Variants in CCDC88B observed in about 807,000 individuals in gnomAD.
The protein encoded by CCDC88B is coiled-coil domain-containing protein 88B.
A neutral mutation model predicts 183.7 loss-of-function variants in CCDC88B; 138 were observed. That is an observed-to-expected ratio of 0.75 (90% CI 0.65 to 0.87). The LOEUF is 0.87. Among genes scored for constraint, CCDC88B ranks in the 40% least tolerant of loss-of-function variants. CCDC88B has a pLI of 0.00. For missense variants in CCDC88B, 1,822 were observed against 1,965.6 expected (o/e 0.93, Z 1.38); for synonymous variants, 835 against 867.5 (o/e 0.96, Z 0.66).
intron 18 of CCDC88B, 135 bp from the exon 19 acceptor site, chr11:64,351,995 C>T: frequency 7.9e-7 from 1 of 1,262,798 alleles, no homozygotes; most frequent in Non-Finnish European, 1.1e-6. Flanking sequence ...GCCTGCTGTG[C>T]CCCCAGCCCT....
Position 64,340,959 on chromosome 11 carries a change from G to C in CCDC88B, c.259G>C (p.Ala87Pro), listed in dbSNP as rs928314285. 6.2e-7 allele frequency: 1 copy of C among 1,600,590 alleles called. No homozygotes were observed. The highest frequency in any genetic ancestry group is 8.5e-7 in the Non-Finnish European group (1 of 1,172,554). ...GATGCTCAGAGGCCTTGACGGACCT[G>C]CTGCCTGGCGAGTGTGGAACCTGAA... is the stretch of plus-strand genomic sequence containing the variant. The part of the protein sequence containing the change: ...PRMLRGLDGP[A>P]AWRVWNLNHL... Residue 87 changes from alanine to proline, a missense_variant, in exon 3 of 27, where the codon GCT (alanine) becomes CCT (proline). Ala to Pro is a conservative substitution (Grantham distance 27). Transcript: ENST00000356786.
Position 64,344,237 on chromosome 11 carries a change from G to GC in CCDC88B, c.1698dup (p.Met567HisfsTer29), listed in dbSNP as rs750650774. On this transcript the variant is annotated frameshift_variant, in exon 14 of 27. Coordinates refer to ENST00000356786, the MANE Select transcript of CCDC88B (RefSeq NM_032251.6). LOFTEE classifies it high-confidence loss of function. The surrounding 1 kb of genome is among the most constrained non-coding windows in gnomAD (Gnocchi z 4.5). ...GGCAGAGAGTCCCCTTCAGGCAGCT[G>GC]CCATGGACCCCCAGGCCTCAGACTG... The GC allele has an allele frequency of 6.2e-7, 1 of 1,613,456 alleles. No individual in the cohort carries two copies. Among genetic ancestry groups the GC allele is most frequent in the Non-Finnish European group, 8.5e-7 (1 of 1,179,864 alleles).
At chr11:64,342,743 G>T in intron 10 of CCDC88B, 63 bp downstream of exon 10, 2 of 1,431,576 alleles carry the variant, frequency 1.4e-6, no homozygotes, top group South Asian at 2.9e-5. Context: ...GAGGAGGGGC[G>T]AGATTGGGTC....
intron 22 of CCDC88B, 86 bp from the exon 23 acceptor site, chr11:64,353,629 A>C: frequency 6.3e-7 from 1 of 1,582,260 alleles, no homozygotes; most frequent in Non-Finnish European, 8.6e-7. Flanking sequence ...GCACGGGACC[A>C]GTGCGTCCTC....
chr11:64,342,638 C>G lies in CCDC88B; in HGVS notation c.1020C>G (p.Arg340=). ...TGCAGGAGGAGCTGAGGCGCTGCCG[C>G]GAGCGGCTGCAGGCGGCTGAGGCCT... ...PRLQEELRRC[R]ERLQAAEAYK... is the part of the protein sequence containing the mutation. Residue 340 remains arginine (R), a synonymous_variant, in exon 10 of 27, where the codon CGC becomes CGG. Transcript: ENST00000356786. 1 of 1,523,374 alleles carries G rather than the reference C, an allele frequency of 6.6e-7. No individual in the cohort carries two copies. The highest frequency in any genetic ancestry group is 8.8e-7 in the Non-Finnish European group (1 of 1,142,208). 94.4% of individuals were successfully genotyped at this position (1,523,374 alleles called of 1,614,324 possible).
Position 64,342,117 on chromosome 11 carries a change from C to T in CCDC88B, c.799C>T (p.Leu267=), listed in dbSNP as rs1412544652. Residue 267 remains leucine (L), a synonymous_variant, in exon 8 of 27, where the codon CTG becomes TTG. Transcript: ENST00000356786. ...ALQLANAKAQ[L]RRLRQELEEK... is the part of the protein sequence containing the mutation. ...GCAGCTGGCCAACGCCAAGGCTCAG[C>T]TGCGGCGTCTGCGGCAGGAGCTGTG... The T allele has an allele frequency of 1.9e-6, 3 of 1,609,256 alleles. No individual in the cohort carries two copies. Among genetic ancestry groups the T allele is most frequent in the Non-Finnish European group, 2.5e-6 (3 of 1,178,686 alleles).
rs779633291 is a variant in CCDC88B at position 64,344,433 on chromosome 11, A to G, written c.1892A>G (p.Gln631Arg). 2 of 1,591,624 alleles carry G rather than the reference A, an allele frequency of 1.3e-6. No individual in the cohort carries two copies. Residue 631 changes from glutamine to arginine, a missense_variant, in exon 14 of 27, where the codon CAA becomes CGA. Transcript: ENST00000356786. The surrounding 1 kb of genome is among the most constrained non-coding windows in gnomAD (Gnocchi z 4.5). ...GGETEGREAP[Q>R]GELVPEAWGL... is the part of the protein sequence containing the mutation. ...GAGACAGAGGGAAGAGAGGCTCCCC[A>G]AGGCGAGTTGGTGCCTGAGGCCTGG...
rs1165839360 is a variant in CCDC88B, at chr11:64,357,482, G to A, written c.*388G>A. The A allele has an allele frequency of 4.2e-6, 3 of 712,522 alleles. No individual in the cohort carries two copies. Among genetic ancestry groups the A allele is most frequent in the Non-Finnish European group, 7.9e-6 (3 of 381,760 alleles). The allele number at this position is 712,522 out of a possible 1,614,324, so 44.1% of individuals were successfully genotyped here. A position where few individuals can be genotyped will look rare whatever the true frequency, so the allele number is the denominator to read the frequency against. ...GGACTGTGGCCTGGGCTGATCTTGA[G>A]CCTTAACTGGACATGAGGGGCATGA... On this transcript the variant is annotated 3_prime_UTR_variant, in exon 27 of 27. Transcript: ENST00000356786.
intron 24 of CCDC88B, 88 bp downstream of exon 24, chr11:64,354,258 A>C: frequency 8.6e-7 from 1 of 1,162,374 alleles, no homozygotes; most frequent in Non-Finnish European, 1.1e-6. Flanking sequence ...CCTGGCCTGC[A>C]TGCGTGACCC....
intron 14 of CCDC88B, 92 bp from the exon 15 acceptor site, chr11:64,349,239 C>A: frequency 7.0e-7 from 1 of 1,438,352 alleles, no homozygotes; most frequent in South Asian, 1.4e-5. Flanking sequence ...GATGGCAGGT[C>A]AAGGACAGAA....
Position 64,342,018 on chromosome 11 carries a change from C to T in CCDC88B, c.700C>T (p.Arg234Ter). Residue 234 changes from arginine to a stop codon, truncating the protein, a stop_gained, in exon 8 of 27, where the codon CGA (arginine) becomes TGA (stop). Coordinates refer to ENST00000356786, the MANE Select transcript of CCDC88B (RefSeq NM_032251.6). LOFTEE classifies it high-confidence loss of function. ...AQRLAELLLE[R>*]EPLCLRPEAP... ...GCGGCTGGCTGAACTGCTGCTGGAGCGAGAACCCCTCTGCTTGAGGCCTGA... is the reference window on the plus strand; with the variant it reads ...GCGGCTGGCTGAACTGCTGCTGGAGTGAGAACCCCTCTGCTTGAGGCCTGA... 1 of 1,612,752 alleles carries T rather than the reference C, an allele frequency of 6.2e-7. No homozygotes were observed. Among genetic ancestry groups the T allele is most frequent in the Non-Finnish European group, 8.5e-7 (1 of 1,179,744 alleles).
Position 64,340,609 on chromosome 11 carries a change from G to T in CCDC88B, c.63G>T (p.Ala21=). The T allele has an allele frequency of 1.9e-6, 3 of 1,608,018 alleles. No individual in the cohort carries two copies. The highest frequency in any genetic ancestry group is 2.2e-5 in the East Asian group (1 of 44,874). ...TGACCCCTCTGGGCTCCTCACAGGCGCTGGGACTGGCCGGGCTGGTCGGGG... is the reference window on the plus strand; with the variant it reads ...TGACCCCTCTGGGCTCCTCACAGGCTCTGGGACTGGCCGGGCTGGTCGGGG... ...DFLSGSLATW[A]LGLAGLVGEA... The change falls in exon 2 of 27, where the codon GCG becomes GCT. Residue 21 remains alanine (A), a splice_region_variant and synonymous_variant. Coordinates refer to ENST00000356786, the MANE Select transcript of CCDC88B (RefSeq NM_032251.6).
chr11:64,352,430 T>C (rs1479230455), intron 19 of CCDC88B, 44 bp downstream of exon 19: 1 of 1,492,902 alleles, frequency 6.7e-7, no homozygotes, highest in Non-Finnish European at 8.9e-7. Context: ...GCACCCCCTA[T>C]CTGCCAGAGA....
rs1254221957 is a variant in CCDC88B at position 64,341,762 on chromosome 11, C to T, written c.675+20C>T. On this transcript the variant is annotated intron_variant, in intron 7 of 26. Transcript: ENST00000356786. ...GCCCAGGTAGGGGCAGCAGGGGCAT[C>T]GTGGACTCAGGTTGGGGAACTGGAG... 2 of 1,546,092 alleles carry T rather than the reference C, an allele frequency of 1.3e-6. No individual in the cohort carries two copies. Among genetic ancestry groups the T allele is most frequent in the South Asian group, 1.2e-5 (1 of 80,320 alleles).
intron 11 of CCDC88B, 27 bp from the exon 12 acceptor site, chr11:64,343,480 C>T (rs1444128010): frequency 6.5e-7 from 1 of 1,540,986 alleles, no homozygotes; most frequent in East Asian, 2.5e-5. Flanking sequence ...GTGTGGAGGG[C>T]TTGTCTGACC....
In CCDC88B at chr11:64,341,464, G is replaced by T. The variant is rs772792497; in HGVS notation, c.491G>T (p.Ser164Ile). ...ELFIRHIQGL[S>I]LEVQSELAAA... is the part of the protein sequence containing the mutation. ...TTCATCCGCCACATCCAGGGCCTCA[G>T]TCTCGAGGTCCAGAGCGAGCTGGCC... The change falls in exon 6 of 27, where the codon AGT (serine) becomes ATT (isoleucine). Residue 164 changes from serine (S) to isoleucine (I), a missense_variant. Physicochemically the swap from Ser to Ile is moderately radical, Grantham distance 142 (BLOSUM62 -2). Coordinates refer to ENST00000356786, the MANE Select transcript of CCDC88B (RefSeq NM_032251.6). 8.1e-6 allele frequency: 13 copies of T among 1,613,964 alleles called. No individual in the cohort carries two copies. The highest frequency in any genetic ancestry group is 1.1e-5 in the Non-Finnish European group (13 of 1,180,016).
chr11:64,340,393 C>T (rs1339106564), intron 1 of CCDC88B, 67 bp downstream of exon 1: 2 of 1,263,556 alleles, frequency 1.6e-6, no homozygotes, highest in Non-Finnish European at 2.0e-6. Context: ...GGTGTTGGCG[C>T]TGGCCGGGGG....
rs1214101833 is a variant in CCDC88B, at chr11:64,342,380, G to A, written c.903+5G>A. The A allele has an allele frequency of 6.4e-7, 1 of 1,573,238 alleles. No homozygotes were observed. The highest frequency in any genetic ancestry group is 1.2e-5 in the South Asian group (1 of 85,890). ...ATAAGAAGGCTCCGCCAGGAGGTGC[G>A]CTCACATGCTCCCCGCCACCGCGGC... On this transcript the variant is annotated splice_donor_5th_base_variant and intron_variant, in intron 9 of 26. Transcript: ENST00000356786.
At position 64,344,444 on chromosome 11, in the gene CCDC88B, G is replaced by A. The variant is rs773147950; in HGVS notation, c.1903G>A (p.Val635Met). The change falls in exon 14 of 27, where the codon GTG becomes ATG. Residue 635 changes from valine to methionine, a missense_variant. Coordinates refer to ENST00000356786, the MANE Select transcript of CCDC88B (RefSeq NM_032251.6). This position sits in a 1 kb window ranked among gnomAD's most constrained non-coding sequence, Gnocchi z 4.5. ...EGREAPQGEL[V>M]PEAWGLRQEG... Reference sequence around the variant, plus strand: ...AAGAGAGGCTCCCCAAGGCGAGTTGGTGCCTGAGGCCTGGGGGTTGAGACA... The same window carrying A: ...AAGAGAGGCTCCCCAAGGCGAGTTGATGCCTGAGGCCTGGGGGTTGAGACA... 1 of 1,592,292 alleles carries A rather than the reference G, an allele frequency of 6.3e-7. No homozygotes were observed. The highest frequency in any genetic ancestry group is 2.2e-5 in the East Asian group (1 of 44,602).
Sources: gnomAD v4.1 joint callset for allele counts on GRCh38, gnomAD v4.1.1 for gene constraint, Gnocchi (gnomAD v3.1) non-coding constraint, MANE v1.5 for transcripts, NCBI Gene and HGNC (gene_info 2026-07-23, HGNC 2026-07-21) for gene names.